CNOT1: variants seen among roughly 807,000 people sequenced by gnomAD.
The protein encoded by CNOT1 is CCR4-associated factor 1.
Under a neutral mutation model 273.8 loss-of-function variants are expected in CNOT1, and 15 were observed. The observed-to-expected ratio is 0.05, with a 90% CI of 0.04 to 0.08. CNOT1 has a LOEUF of 0.08. Ranked by LOEUF, CNOT1 falls within the 10% of genes least tolerant of loss-of-function variation. The pLI, the probability that CNOT1 is intolerant of heterozygous loss-of-function variation, is 1.00. For synonymous variants in CNOT1, 1,022 were observed against 1,005.5 expected (o/e 1.02, Z -0.31); for missense variants, 1,644 against 2,912.2 (o/e 0.56, Z 10.02).
At chr16:58,596,625 T>G (rs538547027) in intron 2 of CNOT1, among the ~76,000 whole-genome samples, 3 of 152,202 alleles carry the variant, frequency 2.0e-5, no homozygotes, top group East Asian at 1.9e-4. Context: ...CAGTGGCTCA[T>G]GCCTGTAATC....
At chr16:58,583,844 A>T (rs916517731) in intron 8 of CNOT1, among the ~76,000 whole-genome samples, 1 of 151,570 alleles carries the variant, frequency 6.6e-6, no homozygotes, top group Non-Finnish European at 1.5e-5. Flanking sequence ...CAGCCTGAAA[A>T]TTTTTTTAAA....
At chr16:58,611,467 T>C (rs1029326607) in intron 1 of CNOT1, among the ~76,000 whole-genome samples, 3 of 151,804 alleles carry the variant, frequency 2.0e-5, no homozygotes, top group Non-Finnish European at 4.4e-5. Flanking sequence ...CCCCAGTCAA[T>C]TACTGAGAAC....
At chr16:58,616,960 C>T (rs1169074637) in intron 1 of CNOT1, among the ~76,000 whole-genome samples, 1 of 151,982 alleles carries the variant, frequency 6.6e-6, no homozygotes, top group African/African-American at 2.4e-5. Context: ...AAGAAGGCAT[C>T]TATGGAAAAA....
chr16:58,527,955 A>C (rs1484228747), intron 44 of CNOT1: 1 of 317,826 alleles, frequency 3.1e-6, no homozygotes, highest in African/African-American at 2.2e-5. Flanking sequence ...ATCTCCACTA[A>C]ACACATAATT....
chr16:58,610,104 G>A (rs972806150), intron 1 of CNOT1, among the ~76,000 whole-genome samples: 13 of 152,162 alleles, frequency 8.5e-5, no homozygotes, highest in Admixed American at 3.3e-4. Context: ...AATTGGAAAG[G>A]GGAGAGAGGG....
At chr16:58,579,502 TGAA>T (rs1363123997) in intron 12 of CNOT1, among the ~76,000 whole-genome samples, 3 of 152,028 alleles carry the variant, frequency 2.0e-5, no homozygotes, top group Admixed American at 1.3e-4. Flanking sequence ...TCAAATAAAA[TGAA>T]GAAGAAACAC....
At chr16:58,543,950 A>C in intron 30 of CNOT1, 47 bp from the exon 31 acceptor site, 1 of 1,520,636 alleles carries the variant, frequency 6.6e-7, no homozygotes, top group Non-Finnish European at 8.8e-7. Context: ...TAAATAAGAC[A>C]ATCCAATTCC....
intron 1 of CNOT1, among the ~76,000 whole-genome samples, chr16:58,627,842 T>C (rs76710907): frequency 0.044 from 6,629 of 152,302 alleles, 421 homozygotes; most frequent in East Asian, 0.26. Flanking sequence ...TTCTAGACTT[T>C]TTTTTGAGAC....
At chr16:58,571,096 AAAAACAAAAC>A (rs149820819) in intron 16 of CNOT1, among the ~76,000 whole-genome samples, 2 of 151,698 alleles carry the variant, frequency 1.3e-5, no homozygotes, top group Non-Finnish European at 2.9e-5. Context: ...ATAGCTTGAG[AAAAACAAAAC>A]AAAACAAAAC....
Position 58,538,386 on chromosome 16 carries a change from G to A in CNOT1, c.5136-120C>T, listed in dbSNP as rs934184095. On this transcript the variant is annotated intron_variant, in intron 36 of 48. Transcript: ENST00000317147. Reference sequence around the variant, plus strand: ...CCTTGAGATTCAACTCCAAATCAGTGTCCAAATTTAAAAACAGCCAGTAAT... The same window carrying A: ...CCTTGAGATTCAACTCCAAATCAGTATCCAAATTTAAAAACAGCCAGTAAT... 1.4e-5 allele frequency: 9 copies of A among 655,232 alleles called. No homozygotes were observed. In the East Asian group the frequency reaches 2.4e-4, roughly 18 times the overall value. The allele number at this position is 655,232 out of a possible 1,614,324, so 40.6% of individuals were successfully genotyped here. A position where few individuals can be genotyped will look rare whatever the true frequency, so the allele number is the denominator to read the frequency against.
At position 58,523,498 on chromosome 16, in the gene CNOT1, G is replaced by C. The variant is rs934698042; in HGVS notation, c.6789C>G (p.Arg2263=). 6.2e-7 allele frequency: 1 copy of C among 1,613,726 alleles called. No homozygotes were observed. The highest frequency in any genetic ancestry group is 8.5e-7 in the Non-Finnish European group (1 of 1,179,902). ...NLAVDLDTEG[R]YLFLNAIANQ... is the part of the protein sequence containing the mutation. ...TTGCAATTGCATTCAAAAAGAGATA[G>C]CGACCTAGAAATTAAGAAACCTTGA... The change falls in exon 47 of 49, where the codon CGC becomes CGG. Residue 2263 remains arginine, a synonymous_variant. Coordinates refer to ENST00000317147, the MANE Select transcript of CNOT1 (RefSeq NM_016284.5).
At chr16:58,548,878 G>A (rs2040349052) in intron 25 of CNOT1, among the ~76,000 whole-genome samples, 2 of 152,114 alleles carry the variant, frequency 1.3e-5, no homozygotes, top group African/African-American at 4.8e-5. Context: ...AGATACAAAC[G>A]AAAACATTCA....
intron 38 of CNOT1, 33 bp downstream of exon 38, chr16:58,537,855 TAAA>T: frequency 6.2e-7 from 1 of 1,610,588 alleles, no homozygotes; most frequent in South Asian, 1.1e-5. Flanking sequence ...AGAAGACTAC[TAAA>T]TGCACAGGGA....
At chr16:58,594,152 G>A (rs2042163135) in intron 2 of CNOT1, among the ~76,000 whole-genome samples, 1 of 152,184 alleles carries the variant, frequency 6.6e-6, no homozygotes, top group Non-Finnish European at 1.5e-5. Flanking sequence ...GCTGAGGCAA[G>A]AGAATCGCTT....
At chr16:58,555,742 C>T (rs780926775) in intron 20 of CNOT1, 42 bp downstream of exon 20, 11 of 1,609,438 alleles carry the variant, frequency 6.8e-6, no homozygotes, top group Non-Finnish European at 9.3e-6. Flanking sequence ...TTATTTAAGA[C>T]TGGCCTAAAC....
chr16:58,560,981 C>T (rs372056639), intron 16 of CNOT1, among the ~76,000 whole-genome samples: 1 of 152,120 alleles, frequency 6.6e-6, no homozygotes, highest in South Asian at 2.1e-4. Flanking sequence ...GCCGAGATCG[C>T]GCCACTGCAC....
intron 16 of CNOT1, among the ~76,000 whole-genome samples, chr16:58,565,023 T>C (rs1004151279): frequency 6.6e-6 from 1 of 152,226 alleles, no homozygotes; most frequent in African/African-American, 2.4e-5. Context: ...GCCAATGGTA[T>C]ACATTTGCCT....
rs754608194 is a variant in CNOT1 at position 58,578,870 on chromosome 16, C to T, written c.1413G>A (p.Gln471=). Residue 471 remains glutamine (Q), a synonymous_variant, in exon 13 of 49, where the codon CAG becomes CAA. Coordinates refer to ENST00000317147, the MANE Select transcript of CNOT1 (RefSeq NM_016284.5). The part of the protein sequence containing the change: ...AEVGQYEQVK[Q]LFSFPIKHCP... ...AGTGTTTGATAGGGAAGCTGAAGAG[C>T]TGTTTGACTTGCTCATACTGCCCAA... The T allele has an allele frequency of 6.2e-7, 1 of 1,614,150 alleles. No homozygotes were observed. Among genetic ancestry groups the T allele is most frequent in the South Asian group, 1.1e-5 (1 of 91,092 alleles).
chr16:58,565,133 T>C (rs561125338), intron 16 of CNOT1, among the ~76,000 whole-genome samples: 21 of 152,244 alleles, frequency 1.4e-4, no homozygotes, highest in African/African-American at 4.6e-4. Flanking sequence ...TTTTCTTCTT[T>C]TTTTGAGACA....
Sources: allele counts gnomAD v4.1 joint callset (sites outside exome capture counted in the v4.1 genomes callset), GRCh38; gene constraint gnomAD v4.1.1; transcripts MANE v1.5; gene names NCBI Gene and HGNC (gene_info 2026-07-23, HGNC 2026-07-21).